Variants in ADAMTS19 observed in about 807,000 individuals in gnomAD.
ADAMTS19 encodes the protein A disintegrin and metalloproteinase with thrombospondin motifs 19.
A neutral mutation model predicts 153.3 loss-of-function variants in ADAMTS19; 93 were observed. The observed-to-expected ratio is 0.61, with a 90% CI of 0.51 to 0.72. The LOEUF (loss-of-function observed/expected upper bound fraction) is 0.72, where lower values mean the gene tolerates loss of function less well. Ranked by LOEUF, ADAMTS19 falls within the 30% of genes least tolerant of loss-of-function variation. The pLI is 0.00. For synonymous variants in ADAMTS19, 600 were observed against 556.6 expected (o/e 1.08, Z -1.10); for missense variants, 1,482 against 1,552.1 (o/e 0.95, Z 0.76).
chr5:129,714,424 T>C (rs1320307838), intron 21 of ADAMTS19, among the ~76,000 whole-genome samples: 1 of 31,472 alleles, frequency 3.2e-5, no homozygotes, highest in African/African-American at 1.9e-4. Context: ...AGACTCCGTC[T>C]CAAAAAAAAA....
intron 20 of ADAMTS19, among the ~76,000 whole-genome samples, chr5:129,702,941 A>ATATATATATATATAT (rs1554108030): frequency 5.5e-4 from 16 of 29,272 alleles, no homozygotes; most frequent in African/African-American, 1.3e-3. Context: ...AAAAAAAAAA[A>ATATATATATATATAT]ATATATATAT....
chr5:129,539,416 C>A (rs1581058742), intron 6 of ADAMTS19, among the ~76,000 whole-genome samples: 1 of 152,134 alleles, frequency 6.6e-6, no homozygotes. Context: ...ATAGATTATA[C>A]CCTAGTGCCT....
intron 2 of ADAMTS19, among the ~76,000 whole-genome samples, chr5:129,490,125 G>C (rs1296398302): frequency 6.6e-6 from 1 of 152,092 alleles, no homozygotes; most frequent in Non-Finnish European, 1.5e-5. Context: ...ATTACTCCCG[G>C]CATTCCAGGA....
chr5:129,517,769 A>G (rs1048606393), intron 3 of ADAMTS19, among the ~76,000 whole-genome samples: 20 of 152,004 alleles, frequency 1.3e-4, no homozygotes, highest in Admixed American at 1.2e-3. Flanking sequence ...TAGATAGTTT[A>G]GTTCATTTAC....
At chr5:129,670,445 T>A (rs1754252482) in intron 16 of ADAMTS19, among the ~76,000 whole-genome samples, 1 of 152,172 alleles carries the variant, frequency 6.6e-6, no homozygotes, top group African/African-American at 2.4e-5. Context: ...ATTATTAATT[T>A]CCCAGTTTTT....
chr5:129,694,447 G>A (rs1405312494), intron 18 of ADAMTS19, among the ~76,000 whole-genome samples: 3 of 151,886 alleles, frequency 2.0e-5, no homozygotes, highest in Non-Finnish European at 4.4e-5. Flanking sequence ...ATAACTAGAA[G>A]AGAATAATTC....
intron 10 of ADAMTS19, among the ~76,000 whole-genome samples, chr5:129,636,556 G>A (rs551293717): frequency 7.2e-5 from 11 of 152,146 alleles, no homozygotes; most frequent in Non-Finnish European, 1.5e-4. Context: ...TGCATTGGCT[G>A]TCCATGGGTT....
intron 10 of ADAMTS19, among the ~76,000 whole-genome samples, chr5:129,622,562 C>T (rs1230330419): frequency 6.6e-6 from 1 of 152,058 alleles, no homozygotes; most frequent in African/African-American, 2.4e-5. Context: ...TAAAGAAAGA[C>T]CTAATAATTT....
intron 10 of ADAMTS19, among the ~76,000 whole-genome samples, chr5:129,639,916 C>G (rs1187273414): frequency 6.6e-6 from 1 of 152,076 alleles, no homozygotes; most frequent in Non-Finnish European, 1.5e-5. Context: ...TCTTAAATGT[C>G]TCCACAAAAG....
At chr5:129,663,072 T>A (rs934425634) in intron 15 of ADAMTS19, among the ~76,000 whole-genome samples, 2 of 151,980 alleles carry the variant, frequency 1.3e-5, no homozygotes, top group Non-Finnish European at 2.9e-5. Context: ...TTTTTTGTAT[T>A]TTTAGTAGAG....
intron 3 of ADAMTS19, 129 bp from the exon 4 acceptor site, chr5:129,526,155 A>T (rs1437044511): frequency 1.4e-6 from 1 of 718,230 alleles, no homozygotes; most frequent in Non-Finnish European, 2.1e-6. Context: ...TCATATTTCA[A>T]AGCCAAATGC....
intron 15 of ADAMTS19, among the ~76,000 whole-genome samples, chr5:129,663,262 T>G (rs2127077344): frequency 6.6e-6 from 1 of 152,310 alleles, no homozygotes; most frequent in East Asian, 1.9e-4. Context: ...TCACCAAAGT[T>G]AAGGCCTTGA....
intron 2 of ADAMTS19, among the ~76,000 whole-genome samples, chr5:129,467,812 C>T (rs1749920857): frequency 6.6e-6 from 1 of 152,236 alleles, no homozygotes; most frequent in Non-Finnish European, 1.5e-5. Flanking sequence ...TCCTCAAATA[C>T]CTATTCCCCG....
chr5:129,601,534 T>C (rs1750649550), intron 8 of ADAMTS19, among the ~76,000 whole-genome samples: 1 of 152,166 alleles, frequency 6.6e-6, no homozygotes, highest in Non-Finnish European at 1.5e-5. Context: ...GTTGATTTGC[T>C]AGCATAACTC....
At chr5:129,552,085 A>G (rs1753142769) in intron 7 of ADAMTS19, among the ~76,000 whole-genome samples, 178 bp downstream of exon 7, 1 of 151,956 alleles carries the variant, frequency 6.6e-6, no homozygotes, top group African/African-American at 2.4e-5. Flanking sequence ...AAAGACATGT[A>G]TCAACTATAT....
chr5:129,708,590 CAAAAAAAAA>C (rs1174701520), intron 21 of ADAMTS19, among the ~76,000 whole-genome samples: 3 of 61,822 alleles, frequency 4.9e-5, no homozygotes, highest in African/African-American at 1.2e-4. Flanking sequence ...AGCAGAGAAG[CAAAAAAAAA>C]AAAAAAAAAA....
intron 8 of ADAMTS19, among the ~76,000 whole-genome samples, chr5:129,604,617 A>G (rs576613208): frequency 6.5e-4 from 99 of 152,322 alleles, no homozygotes; most frequent in African/African-American, 2.3e-3. Flanking sequence ...CTCTTGATAT[A>G]TATCAAATAA....
At chr5:129,671,576 T>C (rs1471123800) in intron 16 of ADAMTS19, among the ~76,000 whole-genome samples, 2 of 152,222 alleles carry the variant, frequency 1.3e-5, no homozygotes, top group Non-Finnish European at 2.9e-5. Context: ...TGATCATTCT[T>C]AAAGAAATTA....
intron 2 of ADAMTS19, among the ~76,000 whole-genome samples, chr5:129,508,024 G>T (rs148423446): frequency 0.011 from 1,695 of 151,786 alleles, 14 homozygotes; most frequent in Non-Finnish European, 0.016. Context: ...ATTTCCTTCA[G>T]GATATATGTA....
Sources: allele counts gnomAD v4.1 joint callset (sites outside exome capture counted in the v4.1 genomes callset), GRCh38; gene constraint gnomAD v4.1.1; transcripts MANE v1.5; gene names NCBI Gene and HGNC (gene_info 2026-07-23, HGNC 2026-07-21).